The following RIOK2 variants were observed in gnomAD, a reference collection of about 807,000 sequenced individuals.
RIOK2 encodes the protein serine/threonine-protein kinase RIO2.
RIOK2 carries 46 observed loss-of-function variants against 62.4 expected under a neutral mutation model. The observed-to-expected ratio is 0.74, with a 90% CI of 0.58 to 0.94. The LOEUF (loss-of-function observed/expected upper bound fraction) is 0.94. Ranked by LOEUF, RIOK2 falls within the 40% of genes least tolerant of loss-of-function variation. RIOK2 has a pLI of 0.00. For missense variants in RIOK2, 574 were observed against 658.0 expected (o/e 0.87, Z 1.40); for synonymous variants, 197 against 216.0 (o/e 0.91, Z 0.77).
chr5:97,163,929 G>A (rs1166024238), intron 9 of RIOK2, among the ~76,000 whole-genome samples: 1 of 151,802 alleles, frequency 6.6e-6, no homozygotes, highest in South Asian at 2.1e-4. Context: ...GTCTTGCTGT[G>A]TTGCCCAGGT....
intron 4 of RIOK2, chr5:97,176,856 T>G (rs924240672): frequency 2.7e-6 from 1 of 372,428 alleles, no homozygotes; most frequent in East Asian, 5.9e-5. Flanking sequence ...TTAATTACTT[T>G]TGGCTCTTTC....
chr5:97,179,177 T>A lies in RIOK2; in HGVS notation c.83A>T (p.Lys28Met), dbSNP rs1401960390. 5 of 1,613,402 alleles carry A rather than the reference T, an allele frequency of 3.1e-6. No individual in the cohort carries two copies. The highest frequency in any genetic ancestry group is 4.2e-6 in the Non-Finnish European group (5 of 1,179,896). The part of the protein sequence containing the change: ...RVLTAVEMGM[K>M]NHEIVPGSLI... ...ACTGCCGGGAACAATTTCATGGTTC[T>A]TCATGCCCATTTCAACCTGAAATTA... Residue 28 changes from lysine to methionine, a missense_variant, in exon 2 of 10, where the codon AAG becomes ATG. Transcript: ENST00000283109.
At chr5:97,174,743 T>C (rs969554970) in intron 4 of RIOK2, among the ~76,000 whole-genome samples, 2 of 152,106 alleles carry the variant, frequency 1.3e-5, no homozygotes, top group African/African-American at 4.8e-5. Flanking sequence ...TATCACTTAC[T>C]GAAGTTTCTC....
At chr5:97,177,377 T>C in intron 3 of RIOK2, 86 bp from the exon 4 acceptor site, 1 of 1,243,330 alleles carries the variant, frequency 8.0e-7, no homozygotes, top group Non-Finnish European at 1.1e-6. Flanking sequence ...ATTTTATTTG[T>C]ATCAAAAATG....
At chr5:97,178,903 T>C (rs1749256311) in intron 2 of RIOK2, 152 bp downstream of exon 2, 3 of 834,386 alleles carry the variant, frequency 3.6e-6, no homozygotes, top group Admixed American at 2.6e-5. Flanking sequence ...TGTGATTATT[T>C]TGACTAATAG....
Position 97,163,173 on chromosome 5 carries a change from G to A in RIOK2, c.1547C>T (p.Ala516Val). The A allele has an allele frequency of 6.2e-7, 1 of 1,613,564 alleles. No homozygotes were observed. Among genetic ancestry groups the A allele is most frequent in the South Asian group, 1.1e-5 (1 of 91,066 alleles). Reference protein sequence around the residue: ...KRQLTKQQKSAVRRRLQKGEA... With the variant: ...KRQLTKQQKSVVRRRLQKGEA... ...TCCTTTCTGCAATCGACGTCTGACA[G>A]CTGATTTTTGCTGTTTTGTCAACTG... Residue 516 changes from alanine to valine, a missense_variant, in exon 10 of 10, where the codon GCT becomes GTT. By Grantham distance (64) the Ala-to-Val change is moderately conservative. Coordinates refer to ENST00000283109, the MANE Select transcript of RIOK2 (RefSeq NM_018343.3).
At chr5:97,169,882 T>C (rs1250299966) in intron 6 of RIOK2, among the ~76,000 whole-genome samples, 4 of 152,218 alleles carry the variant, frequency 2.6e-5, no homozygotes, top group Non-Finnish European at 5.9e-5. Context: ...GATGTTCCTT[T>C]ACTGTGTGAC....
At chr5:97,176,308 C>A (rs370950009) in intron 4 of RIOK2, among the ~76,000 whole-genome samples, 1 of 152,130 alleles carries the variant, frequency 6.6e-6, no homozygotes, top group Non-Finnish European at 1.5e-5. Context: ...TAACCCACTT[C>A]TCTTCATCCT....
Position 97,165,156 on chromosome 5 carries a change from A to T in RIOK2, c.1398-9T>A, listed in dbSNP as rs748798771. 1.5e-6 allele frequency: 2 copies of T among 1,344,040 alleles called. No individual in the cohort carries two copies. The highest frequency in any genetic ancestry group is 2.6e-5 in the East Asian group (1 of 37,746). The allele number at this position is 1,344,040 out of a possible 1,614,324, so 83.3% of individuals were successfully genotyped here. Reference sequence around the variant, plus strand: ...CCACATTTTCTTCATCTCTAAAATTAAAAAACCCACAATTTATCTAGTTAA... The same window carrying T: ...CCACATTTTCTTCATCTCTAAAATTTAAAAACCCACAATTTATCTAGTTAA... On this transcript the variant is annotated splice_polypyrimidine_tract_variant and intron_variant, in intron 8 of 9. Transcript: ENST00000283109.
At chr5:97,177,042 A>G (rs781460399) in intron 4 of RIOK2, 74 bp downstream of exon 4, 14 of 1,240,686 alleles carry the variant, frequency 1.1e-5, no homozygotes, top group Non-Finnish European at 1.6e-5. Context: ...ACAGAATCAC[A>G]CTTGTCATTA....
In RIOK2 at chr5:97,165,274, A is replaced by G. The variant is rs1240906026; in HGVS notation, c.1398-127T>C. ...CATAAAATACTTCAGAAAGATCATT[A>G]TATTTTAAAATTTCTGTGAAGATAA... On this transcript the variant is annotated intron_variant, in intron 8 of 9. Coordinates refer to ENST00000283109, the MANE Select transcript of RIOK2 (RefSeq NM_018343.3). The G allele has an allele frequency of 4.0e-5, 17 of 426,376 alleles. No homozygotes were observed. The East Asian group carries it at 6.1e-4, about 15-fold the overall frequency. 26.4% of individuals were successfully genotyped at this position (426,376 alleles called of 1,614,324 possible).
At chr5:97,165,013 T>A (rs1748807125) in intron 9 of RIOK2, 38 bp downstream of exon 9, 2 of 1,305,496 alleles carry the variant, frequency 1.5e-6, no homozygotes, top group Admixed American at 3.8e-5. Context: ...ACAGTAGTGA[T>A]GTAATAAACA....
intron 6 of RIOK2, among the ~76,000 whole-genome samples, chr5:97,170,990 CT>C (rs1187300068): frequency 1.5e-3 from 4 of 2,668 alleles, no homozygotes; most frequent in South Asian, 4.9e-3. Flanking sequence ...CCCATCTCTA[CT>C]AAAAAAAAAA....
chr5:97,176,940 A>C, intron 4 of RIOK2, 176 bp downstream of exon 4: 2 of 576,272 alleles, frequency 3.5e-6, no homozygotes, highest in Non-Finnish European at 6.0e-6. Flanking sequence ...GTAGAAGGAA[A>C]TCACTTAAAA....
chr5:97,178,298 C>T (rs1749225426), intron 2 of RIOK2, among the ~76,000 whole-genome samples: 1 of 55,368 alleles, frequency 1.8e-5, no homozygotes, highest in Admixed American at 2.3e-4. Context: ...AAGATGGTAG[C>T]CACAATAGCT....
At chr5:97,163,993 A>G (rs1580264167) in intron 9 of RIOK2, among the ~76,000 whole-genome samples, 1 of 151,828 alleles carries the variant, frequency 6.6e-6, no homozygotes, top group East Asian at 1.9e-4. Flanking sequence ...CCTGGGCTTG[A>G]GTGATCTTTC....
chr5:97,178,707 G>GTACTCTACCTGCTCTTCTGCAT, intron 2 of RIOK2: 1 of 318,556 alleles, frequency 3.1e-6, no homozygotes, highest in Non-Finnish European at 5.8e-6. Flanking sequence ...CTCTTCTGCA[G>GTACTCTACCTGCTCTTCTGCAT]TACCTACGTG....
At chr5:97,168,565 A>G (rs934644460) in intron 7 of RIOK2, among the ~76,000 whole-genome samples, 195 bp downstream of exon 7, 2 of 152,234 alleles carry the variant, frequency 1.3e-5, no homozygotes, top group African/African-American at 4.8e-5. Context: ...AAAATTCAGT[A>G]ACAGTGCCTT....
At chr5:97,178,315 T>TAC in intron 2 of RIOK2, among the ~76,000 whole-genome samples, 1 of 152,228 alleles carries the variant, frequency 6.6e-6, no homozygotes, top group Non-Finnish European at 1.5e-5. Flanking sequence ...AGCTTTATCC[T>TAC]ATATGCTCTT....
Sources: gnomAD v4.1 joint callset for allele counts (sites outside exome capture counted in the v4.1 genomes callset) on GRCh38, gnomAD v4.1.1 for gene constraint, MANE v1.5 for transcripts, NCBI Gene and HGNC (gene_info 2026-07-23, HGNC 2026-07-21) for gene names.